GPC6: variants seen among roughly 807,000 people sequenced by gnomAD.
GPC6 encodes glypican-6.
Under a neutral mutation model 55.2 loss-of-function variants are expected in GPC6, and 14 were observed. The observed-to-expected ratio is 0.25, with a 90% CI of 0.17 to 0.40. GPC6 has a LOEUF of 0.40. Among genes scored for constraint, GPC6 ranks in the 10% least tolerant of loss-of-function variants. The pLI is 1.00. For missense variants in GPC6, 641 were observed against 708.5 expected, an observed-to-expected ratio of 0.90 and a Z score of 1.08; for synonymous variants, 278 against 259.6, an observed-to-expected ratio of 1.07 and a Z score of -0.68.
chr13:94,119,015 TG>T (rs2138850571), intron 4 of GPC6, among the ~76,000 whole-genome samples: 2 of 151,918 alleles, frequency 1.3e-5, no homozygotes, highest in East Asian at 3.9e-4. Flanking sequence ...TGTGTGTGTG[TG>T]TGTGTGTGTA....
At chr13:94,252,028 G>A (rs981042473) in intron 4 of GPC6, among the ~76,000 whole-genome samples, 5 of 152,024 alleles carry the variant, frequency 3.3e-5, no homozygotes, top group Admixed American at 2.0e-4. Context: ...CTTCTTTCCC[G>A]ATGTTCTCCT....
chr13:94,382,299 G>A (rs1454859436), intron 6 of GPC6, 115 bp from the exon 7 acceptor site: 7 of 1,091,316 alleles, frequency 6.4e-6, no homozygotes, highest in Non-Finnish European at 9.8e-6. Context: ...AACTGTTAAA[G>A]AGTTCCTGCT....
intron 2 of GPC6, among the ~76,000 whole-genome samples, chr13:93,597,395 T>C (rs994516384): frequency 1.3e-5 from 2 of 152,202 alleles, no homozygotes; most frequent in Admixed American, 6.6e-5. Flanking sequence ...ACTGTAAATG[T>C]CATAATACAT....
intron 1 of GPC6, among the ~76,000 whole-genome samples, chr13:93,396,290 C>T (rs1265092095): frequency 6.6e-6 from 1 of 152,170 alleles, no homozygotes; most frequent in African/African-American, 2.4e-5. Flanking sequence ...ACTAGCTGGG[C>T]ATGGTAGCTC....
chr13:94,264,840 A>G (rs1229571706), intron 4 of GPC6, among the ~76,000 whole-genome samples: 1 of 152,264 alleles, frequency 6.6e-6, no homozygotes, highest in Admixed American at 6.5e-5. Flanking sequence ...GAGAGACCTC[A>G]TAATCATGGC....
intron 2 of GPC6, among the ~76,000 whole-genome samples, chr13:93,746,885 G>A (rs1884416756): frequency 6.6e-6 from 1 of 152,164 alleles, no homozygotes; most frequent in African/African-American, 2.4e-5. Context: ...TCTAAATCCT[G>A]TCCAGAACAT....
chr13:93,463,209 A>C (rs1878768521), intron 1 of GPC6, among the ~76,000 whole-genome samples: 1 of 152,196 alleles, frequency 6.6e-6, no homozygotes, highest in African/African-American at 2.4e-5. Flanking sequence ...CAAATGCATG[A>C]GTTTCTCCTG....
chr13:94,383,342 G>A (rs897554993), intron 7 of GPC6, among the ~76,000 whole-genome samples: 6 of 152,168 alleles, frequency 3.9e-5, no homozygotes, highest in African/African-American at 1.4e-4. Context: ...TTTGAGGATT[G>A]ACCAGTGGGT....
chr13:94,141,265 T>A (rs1887367994), intron 4 of GPC6, among the ~76,000 whole-genome samples: 1 of 152,066 alleles, frequency 6.6e-6, no homozygotes, highest in African/African-American at 2.4e-5. Flanking sequence ...GATTCTTTAA[T>A]TTGCAGTTGG....
rs147039316 is a variant in GPC6 at position 94,067,949 on chromosome 13, G to A, written c.877+40055G>A. 3.9e-3 allele frequency among the ~76,000 whole-genome samples: 592 copies of A among 152,290 alleles called. 6 individuals are homozygous for A. The highest frequency in any genetic ancestry group is 0.014 in the African/African-American group (564 of 41,568). ...GATTCACCATTGTGTTCAATTTTAT[G>A]TAGGAAAGATGGACTCCTCAGTGGT... is the stretch of plus-strand genomic sequence containing the variant. On this transcript the variant is annotated intron_variant, in intron 4 of 8. Transcript: ENST00000377047.
intron 4 of GPC6, among the ~76,000 whole-genome samples, chr13:94,179,224 T>C (rs9524351): frequency 0.099 from 15,073 of 152,228 alleles, 923 homozygotes; most frequent in East Asian, 0.19. Flanking sequence ...AAGGTTCTAC[T>C]ATTGACATCC....
intron 4 of GPC6, among the ~76,000 whole-genome samples, chr13:94,208,698 G>A (rs1403413499): frequency 1.4e-5 from 2 of 144,006 alleles, no homozygotes; most frequent in East Asian, 2.1e-4. Context: ...GCCAAGGCAG[G>A]AGGATCACTT....
At chr13:93,831,461 A>G (rs973818313) in intron 3 of GPC6, among the ~76,000 whole-genome samples, 6 of 152,184 alleles carry the variant, frequency 3.9e-5, no homozygotes, top group Non-Finnish European at 5.9e-5. Context: ...GTGTATTTGT[A>G]TAAGGATTAT....
intron 2 of GPC6, among the ~76,000 whole-genome samples, chr13:93,747,960 T>C (rs1234349399): frequency 2.6e-5 from 4 of 152,162 alleles, no homozygotes; most frequent in Non-Finnish European, 4.4e-5. Context: ...GTGCTTAGTG[T>C]AGTGCCTGGC....
rs1566559191 is a variant in GPC6, at chr13:93,833,091, G to GGA, written c.711+2546_711+2547insGA. 6.7e-3 allele frequency among the ~76,000 whole-genome samples: 881 copies of GGA among 132,434 alleles called. 18 individuals carry two copies. The highest frequency in any genetic ancestry group is 0.023 in the African/African-American group (830 of 35,858). 86.9% of individuals were successfully genotyped at this position (132,434 alleles called of 152,430 possible). ...GATGGATGGATGGATGGATGGATGG[G>GGA]TAGATAGGTAGATGATAGAGAGAGA... On this transcript the variant is annotated intron_variant, in intron 3 of 8. Transcript: ENST00000377047.
intron 3 of GPC6, among the ~76,000 whole-genome samples, chr13:93,977,523 G>GGTGTA (rs1566631084): frequency 4.1e-4 from 59 of 145,414 alleles, no homozygotes; most frequent in African/African-American, 1.4e-3. Flanking sequence ...TGTGTGGTGT[G>GGTGTA]TCTTTATTTG....
rs1016588588 is a variant in GPC6 at position 94,111,856 on chromosome 13, T to A, written c.877+83962T>A. Among the ~76,000 whole-genome samples the A allele has an allele frequency of 3.3e-5, 5 of 152,106 alleles. No homozygotes were observed. In the East Asian group the frequency reaches 9.7e-4, roughly 29 times the overall value. ...CCCTTTGAAAAAGGAAGATACCATT[T>A]ACACTTACTTCTGAGAGATTTTCAC... is the stretch of plus-strand genomic sequence containing the variant. On this transcript the variant is annotated intron_variant, in intron 4 of 8. Coordinates refer to ENST00000377047, the MANE Select transcript of GPC6 (RefSeq NM_005708.5).
chr13:93,241,838 T>G (rs1356356453), intron 1 of GPC6, among the ~76,000 whole-genome samples: 2 of 152,112 alleles, frequency 1.3e-5, no homozygotes, highest in Non-Finnish European at 2.9e-5. Flanking sequence ...GGTTTTTTTT[T>G]TCTCCTTGAG....
chr13:93,994,337 A>G (rs1339490477), intron 3 of GPC6, among the ~76,000 whole-genome samples: 1 of 152,158 alleles, frequency 6.6e-6, no homozygotes, highest in Non-Finnish European at 1.5e-5. Flanking sequence ...CAAAATTACA[A>G]TATTGCCTCA....
Sources: gnomAD v4.1 joint callset for allele counts (sites outside exome capture counted in the v4.1 genomes callset) on GRCh38, gnomAD v4.1.1 for gene constraint, MANE v1.5 for transcripts, NCBI Gene and HGNC (gene_info 2026-07-23, HGNC 2026-07-21) for gene names.